The following ESRRB variants were observed in gnomAD, a reference collection of about 807,000 sequenced individuals.
ESRRB encodes estrogen related receptor beta.
In ESRRB, 16 loss-of-function variants were observed where a neutral mutation model predicts 46.0. The observed-to-expected ratio is 0.35, with a 90% CI of 0.24 to 0.53. The LOEUF (loss-of-function observed/expected upper bound fraction) is 0.53, where lower values mean the gene tolerates loss of function less well. Ranked by LOEUF, ESRRB falls within the 20% of genes least tolerant of loss-of-function variation. ESRRB has a pLI of 0.93. For synonymous variants in ESRRB, 246 were observed against 259.6 expected, an observed-to-expected ratio of 0.95 and a Z score of 0.50; for missense variants, 488 against 607.4, an observed-to-expected ratio of 0.80 and a Z score of 2.07.
Position 76,406,945 on chromosome 14 carries a change from T to C in ESRRB, c.50+30494T>C, listed in dbSNP as rs576848394. ...ATCCGCCTCCTGCGGGCAGGGAATG[T>C]GTTGTATTCACCAGTGTCTGGCACC... On this transcript the variant is annotated intron_variant, in intron 1 of 6. Coordinates refer to ENST00000644823, the MANE Select transcript of ESRRB (RefSeq NM_001379180.1). 8.5e-5 allele frequency among the ~76,000 whole-genome samples: 13 copies of C among 152,360 alleles called. No individual in the cohort carries two copies. In the South Asian group the frequency reaches 2.7e-3, roughly 32 times the overall value.
At chr14:76,485,091 C>T (rs898982169) in intron 5 of ESRRB, among the ~76,000 whole-genome samples, 4 of 152,114 alleles carry the variant, frequency 2.6e-5, no homozygotes, top group Non-Finnish European at 5.9e-5. Flanking sequence ...ATCTTAAATG[C>T]TAATTTGCCT....
intron 1 of ESRRB, among the ~76,000 whole-genome samples, chr14:76,415,226 A>AG (rs1179880191): frequency 6.6e-6 from 1 of 152,212 alleles, no homozygotes; most frequent in Non-Finnish European, 1.5e-5. Context: ...ACAGTTGTAG[A>AG]GGGGTGACAT....
At chr14:76,357,056 C>G (rs1324697416) in intron 1 of ESRRB, among the ~76,000 whole-genome samples, 1 of 152,160 alleles carries the variant, frequency 6.6e-6, no homozygotes, top group East Asian at 1.9e-4. Context: ...CCCTGCCAAG[C>G]TATAGCCCAG....
chr14:76,462,485 CT>C, intron 2 of ESRRB, 59 bp from the exon 3 acceptor site: 1 of 1,314,498 alleles, frequency 7.6e-7, no homozygotes, highest in Non-Finnish European at 1.1e-6. Flanking sequence ...CAGCCCTGCG[CT>C]GGCAGGTGGG....
At chr14:76,491,343 G>C (rs527973891) in intron 5 of ESRRB, 104 bp from the exon 6 acceptor site, 1 of 1,217,786 alleles carries the variant, frequency 8.2e-7, no homozygotes, top group Middle Eastern at 2.7e-4. Context: ...GGGACACCCC[G>C]CAACCAGCCA....
chr14:76,449,567 A>G (rs1300233546), intron 2 of ESRRB, among the ~76,000 whole-genome samples: 3 of 151,868 alleles, frequency 2.0e-5, no homozygotes, highest in South Asian at 2.1e-4. Context: ...AAAAGAAAAA[A>G]AAGTTTGTTT....
At chr14:76,406,382 A>C in intron 1 of ESRRB, among the ~76,000 whole-genome samples, 1 of 152,104 alleles carries the variant, frequency 6.6e-6, no homozygotes, top group East Asian at 1.9e-4. Context: ...CTCTTCCCCT[A>C]ACTCTCCAGA....
chr14:76,418,909 G>A (rs1016647645), intron 1 of ESRRB, among the ~76,000 whole-genome samples: 8 of 152,110 alleles, frequency 5.3e-5, no homozygotes, highest in Non-Finnish European at 1.2e-4. Flanking sequence ...GTGAGCCACC[G>A]CATCCAGCCT....
At chr14:76,398,170 C>A (rs1193737001) in intron 1 of ESRRB, among the ~76,000 whole-genome samples, 2 of 152,184 alleles carry the variant, frequency 1.3e-5, no homozygotes, top group Admixed American at 1.3e-4. Flanking sequence ...CACAGTGTAT[C>A]GTGCATTACC....
At chr14:76,378,495 G>GTTT (rs11444650) in intron 1 of ESRRB, among the ~76,000 whole-genome samples, 6 of 150,784 alleles carry the variant, frequency 4.0e-5, no homozygotes, top group Non-Finnish European at 1.5e-5. Flanking sequence ...ACCCTTTCCG[G>GTTT]TTTTTTTTTG....
At chr14:76,471,144 A>C (rs572356818) in intron 3 of ESRRB, among the ~76,000 whole-genome samples, 1 of 152,282 alleles carries the variant, frequency 6.6e-6, no homozygotes, top group South Asian at 2.1e-4. Flanking sequence ...TGCTCAAAAG[A>C]AACCTGGAGG....
intron 2 of ESRRB, among the ~76,000 whole-genome samples, chr14:76,450,913 A>T (rs1211125763): frequency 1.3e-5 from 2 of 152,302 alleles, no homozygotes; most frequent in South Asian, 2.1e-4. Context: ...CATTAAACCC[A>T]CAAAATGTTA....
chr14:76,373,973 T>G (rs529055215), upstream of ESRRB, among the ~76,000 whole-genome samples: 1 of 152,316 alleles, frequency 6.6e-6, no homozygotes, highest in African/African-American at 2.4e-5. Flanking sequence ...GAAGAGGACC[T>G]TATTTCTACC....
intron 1 of ESRRB, among the ~76,000 whole-genome samples, chr14:76,400,406 T>C (rs1451249441): frequency 6.6e-6 from 1 of 152,186 alleles, no homozygotes; most frequent in African/African-American, 2.4e-5. Context: ...TTGAACAAAA[T>C]GAGGGAAATG....
At chr14:76,450,074 T>A (rs1218710173) in intron 2 of ESRRB, among the ~76,000 whole-genome samples, 1 of 151,760 alleles carries the variant, frequency 6.6e-6, no homozygotes, top group Non-Finnish European at 1.5e-5. Flanking sequence ...TAATGAAGCA[T>A]GGTGACAGAC....
intron 1 of ESRRB, among the ~76,000 whole-genome samples, chr14:76,358,868 CTCCCATGCTTGAGAA>C (rs149339524): frequency 0.013 from 2,042 of 152,304 alleles, 42 homozygotes; most frequent in African/African-American, 0.046. Context: ...AAATTAGTGG[CTCCCATGCTTGAGAA>C]TCTTCTCCAT....
chr14:76,449,323 G>A (rs1205967136), intron 2 of ESRRB, among the ~76,000 whole-genome samples: 2 of 151,952 alleles, frequency 1.3e-5, no homozygotes, highest in Non-Finnish European at 2.9e-5. Flanking sequence ...AGGCCGAGGC[G>A]GGTGGATCAC....
intron 1 of ESRRB, among the ~76,000 whole-genome samples, chr14:76,361,235 C>T (rs1184871663): frequency 6.6e-6 from 1 of 152,178 alleles, no homozygotes; most frequent in Non-Finnish European, 1.5e-5. Flanking sequence ...GTCTACGACT[C>T]ATGTGCTTAT....
chr14:76,491,378 G>A (rs1180776663), intron 5 of ESRRB, 69 bp from the exon 6 acceptor site: 30 of 1,541,054 alleles, frequency 1.9e-5, no homozygotes, highest in South Asian at 8.2e-5. Flanking sequence ...TGCCCCCAGC[G>A]AGCCCCAGGG....
Sources: allele counts gnomAD v4.1 joint callset (sites outside exome capture counted in the v4.1 genomes callset), GRCh38; gene constraint gnomAD v4.1.1; transcripts MANE v1.5; gene names NCBI Gene and HGNC (gene_info 2026-07-23, HGNC 2026-07-21).